Variants in SHOC2 observed in about 807,000 individuals in gnomAD.
SHOC2 encodes the protein SHOC2 leucine rich repeat scaffold protein.
SHOC2 carries 4 observed loss-of-function variants against 50.2 expected under a neutral mutation model. That is an observed-to-expected ratio of 0.08 (90% CI 0.04 to 0.18). The LOEUF is 0.18. SHOC2 is among the 10% of genes least tolerant of loss of function. The pLI, the probability that SHOC2 is intolerant of heterozygous loss-of-function variation, is 1.00. For missense variants in SHOC2, 388 were observed against 669.6 expected (o/e 0.58, Z 4.64); for synonymous variants, 218 against 244.5 (o/e 0.89, Z 1.01).
In SHOC2 at chr10:111,004,643, C is replaced by G. The variant is rs1473014871; in HGVS notation, c.1010C>G (p.Thr337Ser). Residue 337 changes from threonine (T) to serine (S), a missense_variant, in exon 5 of 9, where the codon ACC (threonine) becomes AGC (serine). Thr to Ser is a moderately conservative substitution (Grantham distance 58, BLOSUM62 1). This residue lies in a region of SHOC2 where 48 missense variants were observed against 151.6 expected (regional missense o/e 0.32). Coordinates refer to ENST00000369452, the MANE Select transcript of SHOC2 (RefSeq NM_007373.4). ...LSSLVKLNSL[T>S]LARNCFQLYP... Reference sequence around the variant, plus strand: ...AGTCTTGTGAAACTGAATAGTTTGACCTTAGCTAGAAATTGCTTCCAGTTG... The same window carrying G: ...AGTCTTGTGAAACTGAATAGTTTGAGCTTAGCTAGAAATTGCTTCCAGTTG... 1 of 1,613,132 alleles carries G rather than the reference C, an allele frequency of 6.2e-7. No homozygotes were observed. Among genetic ancestry groups the G allele is most frequent in the East Asian group, 2.2e-5 (1 of 44,876 alleles).
At chr10:110,937,307 A>G (rs1016669622) in intron 1 of SHOC2, 23 of 696,500 alleles carry the variant, frequency 3.3e-5, no homozygotes, top group Admixed American at 1.3e-4. Flanking sequence ...AGTGATGCCA[A>G]ATGAGGTCTG....
At chr10:110,935,442 A>G (rs1475726048) in intron 1 of SHOC2, among the ~76,000 whole-genome samples, 1 of 152,260 alleles carries the variant, frequency 6.6e-6, no homozygotes, top group Non-Finnish European at 1.5e-5. Context: ...TTATCTAACT[A>G]GGTCCTAGTT....
intron 1 of SHOC2, among the ~76,000 whole-genome samples, chr10:110,958,576 G>A (rs866031977): frequency 6.6e-6 from 1 of 152,040 alleles, no homozygotes; most frequent in Non-Finnish European, 1.5e-5. Context: ...CATGCGTTTT[G>A]TGGATAGTCT....
chr10:111,003,509 T>C (rs1313691960), intron 4 of SHOC2, among the ~76,000 whole-genome samples: 2 of 152,232 alleles, frequency 1.3e-5, no homozygotes, highest in African/African-American at 4.8e-5. Context: ...AACTTATTTA[T>C]GTATTTTATC....
intron 1 of SHOC2, among the ~76,000 whole-genome samples, chr10:110,922,484 TTAAA>T (rs1846674063): frequency 6.6e-6 from 1 of 152,092 alleles, no homozygotes; most frequent in African/African-American, 2.4e-5. Flanking sequence ...GTAAAAATAT[TTAAA>T]TACAGAAATC....
At chr10:110,931,350 CA>C (rs1446048971) in intron 1 of SHOC2, among the ~76,000 whole-genome samples, 5 of 152,164 alleles carry the variant, frequency 3.3e-5, no homozygotes, top group African/African-American at 1.2e-4. Context: ...TCTCTGTAAA[CA>C]ATAACATTCT....
At chr10:111,007,398 TC>T (rs1202917814) in intron 5 of SHOC2, 132 bp from the exon 6 acceptor site, 9 of 1,018,766 alleles carry the variant, frequency 8.8e-6, no homozygotes, top group African/African-American at 1.6e-5. Context: ...TGATTTTTTT[TC>T]TTTCTATATT....
intron 1 of SHOC2, among the ~76,000 whole-genome samples, chr10:110,943,733 A>G (rs1266992475): frequency 6.6e-6 from 1 of 152,190 alleles, no homozygotes; most frequent in East Asian, 1.9e-4. Flanking sequence ...GTTAAATATT[A>G]AGTGAGTAAC....
intron 2 of SHOC2, among the ~76,000 whole-genome samples, chr10:110,980,494 G>A (rs1304699749): frequency 6.6e-6 from 1 of 152,138 alleles, no homozygotes; most frequent in Non-Finnish European, 1.5e-5. Context: ...CATTGAGGTA[G>A]TATAGACCTT....
At chr10:111,000,574 T>G in intron 4 of SHOC2, 29 bp downstream of exon 4, 2 of 1,582,456 alleles carry the variant, frequency 1.3e-6, no homozygotes, top group Non-Finnish European at 1.7e-6. Flanking sequence ...AAAACAAGAT[T>G]TGAAATGAGT....
intron 4 of SHOC2, among the ~76,000 whole-genome samples, chr10:111,001,808 C>T (rs577023880): frequency 4.4e-4 from 58 of 131,300 alleles, no homozygotes; most frequent in Middle Eastern, 3.8e-3. Flanking sequence ...CCGAGGCAGG[C>T]GGGCGGATCA....
chr10:110,933,079 CTAAA>C (rs1564702650), intron 1 of SHOC2, among the ~76,000 whole-genome samples: 1 of 152,082 alleles, frequency 6.6e-6, no homozygotes, highest in East Asian at 1.9e-4. Context: ...TAATCATAGA[CTAAA>C]TGATCTCTGA....
At chr10:110,921,919 T>C (rs951621065) in intron 1 of SHOC2, among the ~76,000 whole-genome samples, 24 of 152,096 alleles carry the variant, frequency 1.6e-4, no homozygotes, top group Non-Finnish European at 3.2e-4. Context: ...TAAATTATTA[T>C]GGATTAAAGA....
chr10:110,949,361 C>T (rs1233901059), intron 1 of SHOC2, among the ~76,000 whole-genome samples: 1 of 152,014 alleles, frequency 6.6e-6, no homozygotes, highest in Non-Finnish European at 1.5e-5. Flanking sequence ...AAATTTTTTT[C>T]TAGAAGCATA....
At chr10:110,958,729 T>C (rs1433956728) in intron 1 of SHOC2, among the ~76,000 whole-genome samples, 1 of 144,254 alleles carries the variant, frequency 6.9e-6, no homozygotes, top group African/African-American at 2.6e-5. Flanking sequence ...ACTAATTTTC[T>C]TTTTTTTTTT....
intron 1 of SHOC2, among the ~76,000 whole-genome samples, chr10:110,945,689 C>CA (rs1847233575): frequency 6.6e-6 from 1 of 152,122 alleles, no homozygotes; most frequent in Non-Finnish European, 1.5e-5. Flanking sequence ...ACCCCAACCC[C>CA]ACTCAGACTC....
intron 1 of SHOC2, among the ~76,000 whole-genome samples, chr10:110,930,612 A>T (rs953458374): frequency 2.6e-5 from 4 of 151,906 alleles, no homozygotes; most frequent in Admixed American, 6.6e-5. Context: ...CCTTTTTTTT[A>T]AAATTGCCAG....
chr10:110,941,950 T>C (rs975513528), intron 1 of SHOC2, among the ~76,000 whole-genome samples: 1 of 152,248 alleles, frequency 6.6e-6, no homozygotes, highest in Admixed American at 6.5e-5. Context: ...ATTAATTTTA[T>C]ATACACTGTG....
At chr10:110,974,141 A>T (rs1018868882) in intron 2 of SHOC2, among the ~76,000 whole-genome samples, 1 of 152,020 alleles carries the variant, frequency 6.6e-6, no homozygotes, top group African/African-American at 2.4e-5. Context: ...TAACTATTTC[A>T]TAGCTAGAAA....
Sources: gnomAD v4.1 joint callset for allele counts (sites outside exome capture counted in the v4.1 genomes callset) on GRCh38, gnomAD v4.1.1 for gene constraint, gnomAD v4.1.1 regional missense constraint, MANE v1.5 for transcripts, NCBI Gene and HGNC (gene_info 2026-07-23, HGNC 2026-07-21) for gene names.